Variants in TMEM132D observed in about 807,000 individuals in gnomAD.
TMEM132D encodes the protein mature OL transmembrane protein.
A neutral mutation model predicts 62.3 loss-of-function variants in TMEM132D; 21 were observed. The ratio of observed to expected loss-of-function variants is 0.34; its 90% CI spans 0.24 to 0.49. TMEM132D has a LOEUF of 0.49. Among genes scored for constraint, TMEM132D ranks in the 20% least tolerant of loss-of-function variants. The pLI is 0.99. For synonymous variants in TMEM132D, 621 were observed against 575.6 expected (o/e 1.08, Z -1.13); for missense variants, 1,346 against 1,402.8 (o/e 0.96, Z 0.65).
chr12:129,599,150 G>A (rs182463868), intron 2 of TMEM132D, among the ~76,000 whole-genome samples: 214 of 152,268 alleles, frequency 1.4e-3, no homozygotes, highest in African/African-American at 4.6e-3. Context: ...AATAATTTAT[G>A]GCTGTGGCTC....
intron 2 of TMEM132D, among the ~76,000 whole-genome samples, chr12:129,697,059 C>T (rs264491): frequency 0.31 from 46,407 of 152,042 alleles, 7,583 homozygotes; most frequent in Non-Finnish European, 0.37. Flanking sequence ...CGTCGCATGC[C>T]CCTGAGTGCC....
At chr12:129,777,080 G>T (rs1378345458) in intron 1 of TMEM132D, among the ~76,000 whole-genome samples, 3 of 152,186 alleles carry the variant, frequency 2.0e-5, no homozygotes, top group Non-Finnish European at 4.4e-5. Context: ...GTTAGCAGCT[G>T]GGTCTATAAA....
At chr12:129,657,017 T>G (rs186215171) in intron 2 of TMEM132D, among the ~76,000 whole-genome samples, 2 of 152,334 alleles carry the variant, frequency 1.3e-5, no homozygotes, top group Admixed American at 1.3e-4. Context: ...CTCAAAGATA[T>G]AAAACAGATG....
At chr12:129,081,016 G>A (rs978320866) in intron 7 of TMEM132D, among the ~76,000 whole-genome samples, 3 of 152,144 alleles carry the variant, frequency 2.0e-5, no homozygotes, top group East Asian at 3.9e-4. Context: ...GCCCGCGGCT[G>A]TGACTCGGTA....
At chr12:129,268,866 G>T (rs1228880033) in intron 4 of TMEM132D, among the ~76,000 whole-genome samples, 2 of 152,046 alleles carry the variant, frequency 1.3e-5, no homozygotes, top group East Asian at 1.9e-4. Flanking sequence ...CATGTTCTTT[G>T]TAGGGACATG....
chr12:129,576,525 T>C (rs539197228), intron 2 of TMEM132D, among the ~76,000 whole-genome samples: 34 of 151,994 alleles, frequency 2.2e-4, no homozygotes, highest in African/African-American at 7.8e-4. Context: ...CATATATGTG[T>C]ACATATATCT....
chr12:129,765,177 G>C (rs1351904350), intron 1 of TMEM132D, among the ~76,000 whole-genome samples: 1 of 152,182 alleles, frequency 6.6e-6, no homozygotes, highest in East Asian at 1.9e-4. Context: ...CTAGACTCTA[G>C]AGGGCATCCT....
chr12:129,465,884 C>T (rs542679351), intron 3 of TMEM132D, among the ~76,000 whole-genome samples: 4 of 152,128 alleles, frequency 2.6e-5, no homozygotes, highest in East Asian at 3.9e-4. Context: ...GGTTTCACCA[C>T]GTTGGCCAGG....
chr12:129,388,319 A>C (rs1871181451), intron 3 of TMEM132D, among the ~76,000 whole-genome samples: 1 of 116,876 alleles, frequency 8.6e-6, no homozygotes, highest in Admixed American at 8.5e-5. Flanking sequence ...CATGAATCCT[A>C]ATATAAACAC....
intron 1 of TMEM132D, among the ~76,000 whole-genome samples, chr12:129,865,310 AAT>A (rs1320692363): frequency 6.6e-6 from 1 of 152,186 alleles, no homozygotes; most frequent in East Asian, 1.9e-4. Context: ...CCATGAACAG[AAT>A]AATGTCCGGT....
intron 1 of TMEM132D, among the ~76,000 whole-genome samples, chr12:129,718,783 T>C (rs1196332661): frequency 6.6e-6 from 1 of 152,216 alleles, no homozygotes; most frequent in Non-Finnish European, 1.5e-5. Flanking sequence ...ACCATTTTTA[T>C]CCTCAATTTC....
intron 1 of TMEM132D, among the ~76,000 whole-genome samples, chr12:129,870,099 C>A (rs1874191919): frequency 6.6e-6 from 1 of 152,188 alleles, no homozygotes; most frequent in Non-Finnish European, 1.5e-5. Flanking sequence ...AGCAATCCTT[C>A]AGCCTCCCGA....
chr12:129,466,973 T>C (rs1334991044), intron 3 of TMEM132D, among the ~76,000 whole-genome samples: 1 of 152,178 alleles, frequency 6.6e-6, no homozygotes, highest in Non-Finnish European at 1.5e-5. Context: ...TCTCCCCTTT[T>C]GGTTGGATGA....
At chr12:129,378,840 G>A (rs554160751) in intron 3 of TMEM132D, among the ~76,000 whole-genome samples, 130 of 152,266 alleles carry the variant, frequency 8.5e-4, no homozygotes, top group African/African-American at 3.0e-3. Flanking sequence ...CAGGAATGGC[G>A]GCCGTTGACG....
chr12:129,685,334 C>T (rs558198061), intron 2 of TMEM132D, among the ~76,000 whole-genome samples: 51 of 152,328 alleles, frequency 3.3e-4, no homozygotes, highest in African/African-American at 1.2e-3. Flanking sequence ...AATTGGTACA[C>T]TGCATTCCAG....
chr12:129,366,864 A>G (rs900672509), intron 3 of TMEM132D, among the ~76,000 whole-genome samples: 3 of 152,174 alleles, frequency 2.0e-5, no homozygotes, highest in Non-Finnish European at 4.4e-5. Context: ...CTGTCAACAG[A>G]TGGGATGAAT....
At position 129,513,630 on chromosome 12, in the gene TMEM132D, A is replaced by G. The variant is rs373958287; in HGVS notation, c.1115+17429T>C. On this transcript the variant is annotated intron_variant, in intron 3 of 8. Transcript: ENST00000422113. ...CTCCCGAGTAGCTGGGACTACAGGC[A>G]CCCACCACCACGCCCGGATAATTTT... is the stretch of plus-strand genomic sequence containing the variant. Among the ~76,000 whole-genome samples, 999 of 142,308 alleles carry G rather than the reference A, an allele frequency of 7.0e-3. 9 individuals carry two copies. The highest frequency in any genetic ancestry group is 0.02 in the East Asian group (94 of 4,596). The allele number at this position is 142,308 out of a possible 152,430, so 93.4% of individuals were successfully genotyped here.
chr12:129,789,504 G>C (rs1871340368), intron 1 of TMEM132D, among the ~76,000 whole-genome samples: 1 of 152,194 alleles, frequency 6.6e-6, no homozygotes, highest in African/African-American at 2.4e-5. Flanking sequence ...GAGTGGATAA[G>C]TCAAATGCAG....
In TMEM132D at chr12:129,827,399, G is replaced by A. The variant is rs1872691016; in HGVS notation, c.79+75862C>T. On this transcript the variant is annotated intron_variant, in intron 1 of 8. Coordinates refer to ENST00000422113, the MANE Select transcript of TMEM132D (RefSeq NM_133448.3). This position sits in a 1 kb window ranked among gnomAD's most constrained non-coding sequence, Gnocchi z 9.7. ...CTGGAGCACTGGCTAAAAACTGTAA[G>A]CAGCTGAACCAAAACAGGCTTTCTT... is the stretch of plus-strand genomic sequence containing the variant. 6.6e-6 allele frequency among the ~76,000 whole-genome samples: 1 copy of A among 152,170 alleles called. No individual in the cohort carries two copies. The highest frequency in any genetic ancestry group is 2.4e-5 in the African/African-American group (1 of 41,432).
Sources: gnomAD v4.1 joint callset for allele counts (sites outside exome capture counted in the v4.1 genomes callset) on GRCh38, gnomAD v4.1.1 for gene constraint, Gnocchi (gnomAD v3.1) non-coding constraint, MANE v1.5 for transcripts, NCBI Gene and HGNC (gene_info 2026-07-23, HGNC 2026-07-21) for gene names.